GPR155: variants seen among roughly 807,000 people sequenced by gnomAD.
GPR155 encodes lysosomal cholesterol signaling protein.
In GPR155, 65 loss-of-function variants were observed where a neutral mutation model predicts 93.1. The observed-to-expected ratio is 0.70, with a 90% CI of 0.57 to 0.86. The LOEUF is 0.86. GPR155 is among the 40% of genes least tolerant of loss of function. The pLI is 0.00. For synonymous variants in GPR155, 319 were observed against 360.1 expected (o/e 0.89, Z 1.29); for missense variants, 838 against 1,034.8 (o/e 0.81, Z 2.61).
rs368710939 is a variant in GPR155, at chr2:174,482,000, G to A, written c.-31-13C>T. 1.2e-4 allele frequency: 157 copies of A among 1,358,974 alleles called. No homozygotes were observed. Among genetic ancestry groups the A allele is most frequent in the Admixed American group, 3.6e-4 (19 of 52,442 alleles). 84.2% of individuals were successfully genotyped at this position (1,358,974 alleles called of 1,614,324 possible). On this transcript the variant is annotated splice_polypyrimidine_tract_variant and intron_variant, in intron 1 of 15. Transcript: ENST00000392552. ...TCCAACCAGATCTCTGGAAAGAAAG[G>A]AAGAAAGATTCAGTATGGCCATCAA...
At chr2:174,468,454 G>C (rs1190883410) in intron 5 of GPR155, among the ~76,000 whole-genome samples, 2 of 152,056 alleles carry the variant, frequency 1.3e-5, no homozygotes, top group Non-Finnish European at 2.9e-5. Flanking sequence ...ATAGGCGGTT[G>C]GACTTGAACT....
At chr2:174,448,554 G>A (rs866892847) in intron 11 of GPR155, among the ~76,000 whole-genome samples, 6 of 122,858 alleles carry the variant, frequency 4.9e-5, no homozygotes, top group Non-Finnish European at 6.5e-5. Context: ...TTTTTGAGAC[G>A]GAGTCTCGCT....
rs368997814 is a variant in GPR155 at position 174,453,430 on chromosome 2, G to A, written c.1876+307C>T. Among the ~76,000 whole-genome samples the A allele has an allele frequency of 1.4e-3, 215 of 152,134 alleles. 10 individuals are homozygous for A. The South Asian group carries it at 0.042, about 30-fold the overall frequency. Reference sequence around the variant, plus strand: ...AATCCCAGCACTTTGGGAGGCCGAGGCAGGCAGATCACGAGGTCAGGAGAT... The same window carrying A: ...AATCCCAGCACTTTGGGAGGCCGAGACAGGCAGATCACGAGGTCAGGAGAT... On this transcript the variant is annotated intron_variant, in intron 11 of 15. Coordinates refer to ENST00000392552, the MANE Select transcript of GPR155 (RefSeq NM_152529.7).
At position 174,439,885 on chromosome 2, in the gene GPR155, G is replaced by A; in HGVS notation, c.2312+13C>T. On this transcript the variant is annotated intron_variant, in intron 15 of 15. Coordinates refer to ENST00000392552, the MANE Select transcript of GPR155 (RefSeq NM_152529.7). The stretch of plus-strand genomic sequence containing the variant: ...ATATAATTGTCTAGAACCTGTACTG[G>A]CACTTTGCTTACCTTCTTTCTTTGA... The A allele has an allele frequency of 6.2e-7, 1 of 1,607,676 alleles. No individual in the cohort carries two copies. The highest frequency in any genetic ancestry group is 8.5e-7 in the Non-Finnish European group (1 of 1,175,026).
At chr2:174,463,674 A>C (rs1382383665) in intron 7 of GPR155, among the ~76,000 whole-genome samples, 1 of 152,234 alleles carries the variant, frequency 6.6e-6, no homozygotes, top group Non-Finnish European at 1.5e-5. Context: ...AGTGAGTTCC[A>C]TTTTATGTTT....
chr2:174,443,215 G>T (rs554577247), intron 13 of GPR155, among the ~76,000 whole-genome samples: 2 of 152,090 alleles, frequency 1.3e-5, no homozygotes, highest in African/African-American at 2.4e-5. Context: ...AAGGTCATTT[G>T]TCTCTGTGGG....
chr2:174,441,182 G>A (rs1056434155), intron 14 of GPR155, among the ~76,000 whole-genome samples: 5 of 151,722 alleles, frequency 3.3e-5, no homozygotes, highest in East Asian at 1.9e-4. Flanking sequence ...GTTACTAAAG[G>A]TTTAAAAACA....
At chr2:174,465,522 C>G (rs1456286297) in intron 7 of GPR155, among the ~76,000 whole-genome samples, 1 of 152,174 alleles carries the variant, frequency 6.6e-6, no homozygotes. Context: ...CAAAAGGGAG[C>G]AGCACTGACA....
intron 2 of GPR155, among the ~76,000 whole-genome samples, chr2:174,475,145 A>T (rs907993821): frequency 5.3e-5 from 8 of 150,462 alleles, no homozygotes; most frequent in Non-Finnish European, 1.2e-4. Flanking sequence ...AATACAAAAA[A>T]TTAGCCGGGC....
intron 13 of GPR155, among the ~76,000 whole-genome samples, chr2:174,442,476 C>T (rs543679052): frequency 4.6e-5 from 7 of 152,236 alleles, no homozygotes; most frequent in South Asian, 2.1e-4. Flanking sequence ...GTCTTTGTTT[C>T]CCCTTTATAA....
rs952147937 is a variant in GPR155 at position 174,442,324 on chromosome 2, A to C, written c.2110-141T>G. On this transcript the variant is annotated intron_variant, in intron 13 of 15. Coordinates refer to ENST00000392552, the MANE Select transcript of GPR155 (RefSeq NM_152529.7). ...GCAACATTTTAAGTGGAACACACAA[A>C]GTAGGCCCTTCAAAGGCAGGTATGA... The C allele has an allele frequency of 2.6e-5, 15 of 583,274 alleles. No individual in the cohort carries two copies. In the African/African-American group the frequency reaches 2.8e-4, roughly 11 times the overall value. The allele number at this position is 583,274 out of a possible 1,614,324, so 36.1% of individuals were successfully genotyped here.
chr2:174,463,289 A>C (rs965158942), intron 7 of GPR155, among the ~76,000 whole-genome samples: 1 of 151,956 alleles, frequency 6.6e-6, no homozygotes, highest in Non-Finnish European at 1.5e-5. Context: ...ACTGCTCAAA[A>C]TTCTGGGCTC....
chr2:174,476,602 T>C (rs1688173537), intron 2 of GPR155, among the ~76,000 whole-genome samples: 1 of 151,630 alleles, frequency 6.6e-6, no homozygotes, highest in South Asian at 2.1e-4. Flanking sequence ...AGACTCTGTC[T>C]CAAAAAACAA....
chr2:174,460,854 T>C (rs557351255), intron 9 of GPR155, among the ~76,000 whole-genome samples: 7 of 152,288 alleles, frequency 4.6e-5, no homozygotes, highest in African/African-American at 1.7e-4. Context: ...TGTATAATCT[T>C]ATTTATTCTC....
At chr2:174,482,581 C>T (rs1212015444) in intron 1 of GPR155, among the ~76,000 whole-genome samples, 2 of 152,210 alleles carry the variant, frequency 1.3e-5, no homozygotes, top group African/African-American at 4.8e-5. Flanking sequence ...CAGGGTCTTG[C>T]TCTGTCTCCC....
rs770673041 is a variant in GPR155, at chr2:174,453,861, T to C, written c.1772-20A>G. ...AGCAACCTATATCAATCAAATAGTA[T>C]GTGAGAGTAGAGCCCAACCACAACA... On this transcript the variant is annotated intron_variant, in intron 10 of 15. Transcript: ENST00000392552. 5.2e-6 allele frequency: 8 copies of C among 1,536,194 alleles called. No homozygotes were observed. The highest frequency in any genetic ancestry group is 6.3e-6 in the Non-Finnish European group (7 of 1,109,874).
intron 4 of GPR155, 72 bp from the exon 5 acceptor site, chr2:174,469,139 G>A: frequency 1.6e-6 from 2 of 1,245,622 alleles, no homozygotes; most frequent in Non-Finnish European, 2.3e-6. Context: ...AATAACCACG[G>A]CACACTAAAG....
chr2:174,483,206 T>A (rs946460212), intron 1 of GPR155: 1 of 89,814 alleles, frequency 1.1e-5, no homozygotes, highest in Non-Finnish European at 2.7e-5. Flanking sequence ...TGAATAACTA[T>A]AATTACTTAT....
intron 15 of GPR155, among the ~76,000 whole-genome samples, chr2:174,437,461 A>AGTT (rs1686819610): frequency 6.6e-6 from 1 of 152,210 alleles, no homozygotes; most frequent in Non-Finnish European, 1.5e-5. Flanking sequence ...TTTAGAGATA[A>AGTT]GTTATCTTAA....
Sources: allele counts gnomAD v4.1 joint callset (sites outside exome capture counted in the v4.1 genomes callset), GRCh38; gene constraint gnomAD v4.1.1; transcripts MANE v1.5; gene names NCBI Gene and HGNC (gene_info 2026-07-23, HGNC 2026-07-21).